The following DCX variants were observed in gnomAD, a reference collection of about 807,000 sequenced individuals.
The protein encoded by DCX is neuronal migration protein doublecortin.
DCX carries 4 observed loss-of-function variants against 20.9 expected under a neutral mutation model. The ratio of observed to expected loss-of-function variants is 0.19; its 90% CI spans 0.09 to 0.44. DCX has a LOEUF of 0.44. DCX is among the 20% of genes least tolerant of loss of function. DCX has a pLI of 0.99. For missense variants in DCX, 133 were observed against 296.9 expected (o/e 0.45, Z 4.06); for synonymous variants, 103 against 111.4 (o/e 0.92, Z 0.47).
intron 3 of DCX, among the ~76,000 whole-genome samples, chrX:111,342,567 T>C (rs1015468209): frequency 1.3e-4 from 14 of 106,247 alleles, no homozygotes; most frequent in Admixed American, 4.1e-4. Flanking sequence ...CAAGTGGACC[T>C]AAAAGACATC....
intron 3 of DCX, 58 bp from the exon 4 acceptor site, chrX:111,333,211 C>T (rs1326591055): frequency 1.1e-6 from 1 of 898,201 alleles, no homozygotes; most frequent in Non-Finnish European, 1.6e-6. Context: ...ATGAACCTCA[C>T]ACTACACTGA....
chrX:111,304,444 C>A (rs1026620144), intron 6 of DCX, among the ~76,000 whole-genome samples: 2 of 111,700 alleles, frequency 1.8e-5, no homozygotes, highest in African/African-American at 6.5e-5. Context: ...TTTTCCTCTC[C>A]CCAGCTCCAT....
chrX:111,370,003 A>C (rs768291002), intron 3 of DCX, among the ~76,000 whole-genome samples: 1 of 111,706 alleles, frequency 9.0e-6, no homozygotes, highest in African/African-American at 3.3e-5. Context: ...AAAATAAATA[A>C]GACCATTTCC....
chrX:111,392,693 T>C (rs957178990), intron 3 of DCX, among the ~76,000 whole-genome samples: 5 of 111,916 alleles, frequency 4.5e-5, no homozygotes, highest in Non-Finnish European at 9.4e-5. Context: ...TATTCTAAAA[T>C]TGACTTTGGT....
chrX:111,371,703 T>G (rs1440025547), intron 3 of DCX, among the ~76,000 whole-genome samples: 1 of 110,549 alleles, frequency 9.0e-6, no homozygotes, highest in Non-Finnish European at 1.9e-5. Context: ...CCATGACAGA[T>G]AGAAAAAATA....
In DCX at chrX:111,331,954, A is replaced by C. The variant is rs184317021; in HGVS notation, c.809-913T>G. ...TCCAGTTTAGTGCTCTTTCTACTAC[A>C]GTTTTTCCAACCTTGTGCTGTGATG... On this transcript the variant is annotated intron_variant, in intron 4 of 6. Transcript: ENST00000636035. Among the ~76,000 whole-genome samples the C allele has an allele frequency of 3.4e-3, 383 of 112,895 alleles. 6 individuals are homozygous for C. Among genetic ancestry groups the C allele is most frequent in the Admixed American group, 0.032 (346 of 10,716 alleles).
chrX:111,335,731 A>G (rs1921660095), intron 3 of DCX, among the ~76,000 whole-genome samples: 1 of 112,023 alleles, frequency 8.9e-6, no homozygotes, highest in Non-Finnish European at 1.9e-5. Context: ...GTGGATCACG[A>G]TGTCAGGAGA....
chrX:111,394,261 A>T (rs1329672088), intron 3 of DCX, among the ~76,000 whole-genome samples: 2 of 112,137 alleles, frequency 1.8e-5, no homozygotes, highest in East Asian at 5.6e-4. Context: ...TGATTCCATT[A>T]TTATTAAATG....
At chrX:111,337,739 C>A (rs192864046) in intron 3 of DCX, among the ~76,000 whole-genome samples, 1 of 112,274 alleles carries the variant, frequency 8.9e-6, no homozygotes, top group Non-Finnish European at 1.9e-5. Context: ...ATGATGCTCA[C>A]TTTTAACTTG....
chrX:111,301,827 A>G (rs2095034925), intron 6 of DCX, 84 bp from the exon 7 acceptor site: 1 of 863,870 alleles, frequency 1.2e-6, no homozygotes, highest in Non-Finnish European at 1.7e-6. Flanking sequence ...TTTTTTATTA[A>G]TACTTTAATT....
At chrX:111,377,021 G>A in intron 3 of DCX, among the ~76,000 whole-genome samples, 1 of 111,615 alleles carries the variant, frequency 9.0e-6, no homozygotes, top group South Asian at 3.8e-4. Context: ...TGAAGAAAAG[G>A]ACTTAACTTC....
At chrX:111,350,164 T>C (rs369148532) in intron 3 of DCX, among the ~76,000 whole-genome samples, 2 of 111,152 alleles carry the variant, frequency 1.8e-5, no homozygotes, top group Admixed American at 9.5e-5. Flanking sequence ...TAAATACAAC[T>C]GGAATCCAAA....
chrX:111,402,080 AC>A (rs1432127642), intron 2 of DCX, among the ~76,000 whole-genome samples: 1 of 111,600 alleles, frequency 9.0e-6, no homozygotes, highest in African/African-American at 3.3e-5. Context: ...TCTACCACTC[AC>A]CCTTCATCTT....
chrX:111,345,949 G>C (rs1922770331), intron 3 of DCX, among the ~76,000 whole-genome samples: 1 of 110,827 alleles, frequency 9.0e-6, no homozygotes, highest in Non-Finnish European at 1.9e-5. Flanking sequence ...ACTGGTGTGA[G>C]ATAGCAACTC....
In DCX at chrX:111,301,475, T is replaced by A; in HGVS notation, c.*212A>T. 1 of 465,360 alleles carries A rather than the reference T, an allele frequency of 2.1e-6. No individual in the cohort carries two copies. Among genetic ancestry groups the A allele is most frequent in the Non-Finnish European group, 3.9e-6 (1 of 258,127 alleles). The allele number at this position is 465,360 out of a possible 1,213,427, so 38.4% of individuals were successfully genotyped here. ...GCCCCAAAGGATGGTTATCAATCTATCTCTCATAATTGGTAACTGTGGATC... is the reference window on the plus strand; with the variant it reads ...GCCCCAAAGGATGGTTATCAATCTAACTCTCATAATTGGTAACTGTGGATC... On this transcript the variant is annotated 3_prime_UTR_variant, in exon 7 of 7. Transcript: ENST00000636035.
At chrX:111,396,481 T>C (rs2147256000) in intron 3 of DCX, among the ~76,000 whole-genome samples, 1 of 111,830 alleles carries the variant, frequency 8.9e-6, no homozygotes, top group East Asian at 2.8e-4. Context: ...AAATGGATGT[T>C]GTGAAGACCA....
At chrX:111,384,620 A>G (rs957420062) in intron 3 of DCX, among the ~76,000 whole-genome samples, 1 of 112,020 alleles carries the variant, frequency 8.9e-6, no homozygotes, top group South Asian at 3.7e-4. Context: ...TTTAATGATT[A>G]TAAAGGACCA....
chrX:111,352,833 CAGACAG>C (rs978311143), intron 3 of DCX, among the ~76,000 whole-genome samples: 3 of 89,748 alleles, frequency 3.3e-5, no homozygotes, highest in African/African-American at 9.2e-5. Flanking sequence ...GGCAGACAGA[CAGACAG>C]AGAGAGAGAG....
intron 3 of DCX, among the ~76,000 whole-genome samples, chrX:111,367,949 A>C (rs1374233051): frequency 2.7e-5 from 3 of 111,425 alleles, no homozygotes; most frequent in East Asian, 5.7e-4. Flanking sequence ...ATTCAAAATG[A>C]GATATAAACA....
Sources: gnomAD v4.1 joint callset for allele counts (sites outside exome capture counted in the v4.1 genomes callset) on GRCh38, gnomAD v4.1.1 for gene constraint, MANE v1.5 for transcripts, NCBI Gene and HGNC (gene_info 2026-07-23, HGNC 2026-07-21) for gene names.